ERC2: variants seen among roughly 807,000 people sequenced by gnomAD.
ERC2 encodes the protein ERC protein 2.
A neutral mutation model predicts 114.8 loss-of-function variants in ERC2; 42 were observed. The observed-to-expected ratio is 0.37, with a 90% CI of 0.29 to 0.47. The LOEUF (loss-of-function observed/expected upper bound fraction) is 0.47. ERC2 is among the 20% of genes least tolerant of loss of function. ERC2 has a pLI of 0.99. For missense variants in ERC2, 939 were observed against 1,150.7 expected (o/e 0.82, Z 2.66); for synonymous variants, 454 against 425.5 (o/e 1.07, Z -0.82).
chr3:56,377,351 A>G (rs773527851), intron 2 of ERC2, among the ~76,000 whole-genome samples: 33 of 152,318 alleles, frequency 2.2e-4, no homozygotes, highest in Non-Finnish European at 4.3e-4. Flanking sequence ...CAATGTCTAT[A>G]ATGCAGAGAA....
chr3:56,398,846 T>G (rs2060414730), intron 2 of ERC2, among the ~76,000 whole-genome samples: 2 of 152,192 alleles, frequency 1.3e-5, no homozygotes, highest in African/African-American at 2.4e-5. Flanking sequence ...CTTGAACTCT[T>G]AGCCTCAGGC....
At chr3:56,346,746 T>C (rs1276411223) in intron 2 of ERC2, among the ~76,000 whole-genome samples, 1 of 152,156 alleles carries the variant, frequency 6.6e-6, no homozygotes, top group Non-Finnish European at 1.5e-5. Context: ...GAATGGGTAA[T>C]TTATAAAGAG....
At chr3:56,147,566 A>G (rs73831901) in intron 5 of ERC2, among the ~76,000 whole-genome samples, 29 of 152,310 alleles carry the variant, frequency 1.9e-4, no homozygotes, top group African/African-American at 6.7e-4. Flanking sequence ...GAGTATGCAC[A>G]TATTTCACAA....
chr3:55,809,643 C>T (rs1362451185), intron 14 of ERC2, among the ~76,000 whole-genome samples: 2 of 152,042 alleles, frequency 1.3e-5, no homozygotes, highest in Non-Finnish European at 2.9e-5. Context: ...GGACAAAGAA[C>T]ATAAAAGGAT....
chr3:55,794,205 A>G lies in ERC2; in HGVS notation c.2565-59287T>C, dbSNP rs913536281. ...ATCCATTATCTATAGAAAATCACACATAAGAAACTCCTTTTGCTATCTGGT... is the reference window on the plus strand; with the variant it reads ...ATCCATTATCTATAGAAAATCACACGTAAGAAACTCCTTTTGCTATCTGGT... On this transcript the variant is annotated intron_variant, in intron 14 of 17. Coordinates refer to ENST00000288221, the MANE Select transcript of ERC2 (RefSeq NM_015576.3). Among the ~76,000 whole-genome samples, 18 of 152,222 alleles carry G rather than the reference A, an allele frequency of 1.2e-4. 1 individual carries two copies. The highest frequency in any genetic ancestry group is 1.0e-3 in the Admixed American group (16 of 15,282).
intron 3 of ERC2, among the ~76,000 whole-genome samples, chr3:56,281,025 A>T (rs574178449): frequency 2.0e-5 from 3 of 152,364 alleles, no homozygotes; most frequent in Admixed American, 2.0e-4. Context: ...CCCATTAAGA[A>T]TATTTTGATA....
In ERC2 at chr3:56,195,304, G is replaced by A. The variant is rs116795415; in HGVS notation, c.1075-21784C>T. Among the ~76,000 whole-genome samples, 397 of 152,268 alleles carry A rather than the reference G, an allele frequency of 2.6e-3. 1 individual carries two copies. The highest frequency in any genetic ancestry group is 0.019 in the South Asian group (92 of 4,820). ...CTTAGGTGGGACAAAGCAGAACAGC[G>A]TGAGATTTCATCATGCTACTTAGAA... On this transcript the variant is annotated intron_variant, in intron 3 of 17. Transcript: ENST00000288221.
chr3:55,534,240 A>G (rs1310209329), intron 17 of ERC2, among the ~76,000 whole-genome samples: 2 of 152,130 alleles, frequency 1.3e-5, no homozygotes, highest in Non-Finnish European at 2.9e-5. Context: ...GCAACATAAC[A>G]AGACCTCATC....
chr3:56,229,676 A>C (rs1197411379), intron 3 of ERC2, among the ~76,000 whole-genome samples: 2 of 152,122 alleles, frequency 1.3e-5, no homozygotes, highest in Non-Finnish European at 2.9e-5. Flanking sequence ...GAGGCTTATT[A>C]ATTACTTAAG....
intron 17 of ERC2, among the ~76,000 whole-genome samples, chr3:55,607,687 A>G (rs774399952): frequency 4.0e-5 from 6 of 150,138 alleles, no homozygotes; most frequent in Non-Finnish European, 5.9e-5. Context: ...TACGGAATAG[A>G]CCCAATTGCA....
intron 15 of ERC2, among the ~76,000 whole-genome samples, chr3:55,729,837 C>CAAAAAAAAAAA (rs71096498): frequency 0.045 from 2,760 of 61,542 alleles, 896 homozygotes; most frequent in East Asian, 0.069. Flanking sequence ...GACTCTATCG[C>CAAAAAAAAAAA]AAAAAAAAAA....
At chr3:56,223,951 G>C (rs1046929433) in intron 3 of ERC2, among the ~76,000 whole-genome samples, 4 of 152,096 alleles carry the variant, frequency 2.6e-5, no homozygotes, top group African/African-American at 9.7e-5. Flanking sequence ...TATGTAAAGA[G>C]ATATCCATAG....
At chr3:56,225,012 C>G (rs2050158701) in intron 3 of ERC2, among the ~76,000 whole-genome samples, 1 of 152,104 alleles carries the variant, frequency 6.6e-6, no homozygotes, top group Non-Finnish European at 1.5e-5. Flanking sequence ...CCTGCCTATT[C>G]CCTTGTTCCC....
intron 17 of ERC2, among the ~76,000 whole-genome samples, chr3:55,566,873 G>T (rs2107505701): frequency 6.6e-6 from 1 of 152,010 alleles, no homozygotes; most frequent in South Asian, 2.1e-4. Flanking sequence ...TAATTGTTTT[G>T]TATTTTTAGT....
chr3:56,245,873 T>C (rs887971678), intron 3 of ERC2, among the ~76,000 whole-genome samples: 1 of 152,094 alleles, frequency 6.6e-6, no homozygotes, highest in African/African-American at 2.4e-5. Context: ...CAAAATTTCC[T>C]TCCCTACCTG....
intron 14 of ERC2, among the ~76,000 whole-genome samples, chr3:55,772,320 C>CT (rs536491164): frequency 0.039 from 5,335 of 138,020 alleles, 402 homozygotes; most frequent in East Asian, 0.37. Context: ...TTTTTGTATT[C>CT]TTTTTTTTTT....
intron 15 of ERC2, among the ~76,000 whole-genome samples, chr3:55,723,368 C>T (rs901967512): frequency 6.6e-6 from 1 of 151,846 alleles, no homozygotes; most frequent in Non-Finnish European, 1.5e-5. Context: ...AATATTATTT[C>T]TATGATAAAA....
intron 2 of ERC2, 132 bp downstream of exon 2, chr3:56,434,219 A>G (rs1329315647): frequency 1.4e-6 from 1 of 735,716 alleles, no homozygotes; most frequent in African/African-American, 1.8e-5. Flanking sequence ...GTCTAAGTCA[A>G]ACACATACTA....
At chr3:56,312,219 A>T (rs1207466047) in intron 2 of ERC2, among the ~76,000 whole-genome samples, 1 of 152,144 alleles carries the variant, frequency 6.6e-6, no homozygotes. Context: ...TTCCATAAAT[A>T]CTGAATTTTA....
Sources: allele counts gnomAD v4.1 joint callset (sites outside exome capture counted in the v4.1 genomes callset), GRCh38; gene constraint gnomAD v4.1.1; transcripts MANE v1.5; gene names NCBI Gene and HGNC (gene_info 2026-07-23, HGNC 2026-07-21).